The following CSRNP3 variants were observed in gnomAD, a reference collection of about 807,000 sequenced individuals.
The protein encoded by CSRNP3 is cysteine/serine-rich nuclear protein 3.
Under a neutral mutation model 48.0 loss-of-function variants are expected in CSRNP3, and 12 were observed. The ratio of observed to expected loss-of-function variants is 0.25; its 90% confidence interval spans 0.16 to 0.41. CSRNP3 has a LOEUF of 0.41. Among genes scored for constraint, CSRNP3 ranks in the 10% least tolerant of loss-of-function variants. CSRNP3 has a pLI of 1.00. For missense variants in CSRNP3, 580 were observed against 724.4 expected (o/e 0.80, Z 2.29); for synonymous variants, 263 against 269.7 (o/e 0.98, Z 0.24).
At chr2:165,546,145 CTTCTTCACAAATATCT>C (rs1685021994) in intron 3 of CSRNP3, among the ~76,000 whole-genome samples, 1 of 152,016 alleles carries the variant, frequency 6.6e-6, no homozygotes, top group Non-Finnish European at 1.5e-5. Context: ...GCTCAATACC[CTTCTTCACAAATATCT>C]GTCTTCTGTT....
chr2:165,634,050 T>C (rs1253009206), intron 4 of CSRNP3, among the ~76,000 whole-genome samples: 1 of 152,192 alleles, frequency 6.6e-6, no homozygotes. Context: ...TGTAAAACAT[T>C]ATTTGAGGTC....
chr2:165,511,922 GT>G (rs1203625678), intron 2 of CSRNP3, among the ~76,000 whole-genome samples: 5 of 152,072 alleles, frequency 3.3e-5, no homozygotes. Flanking sequence ...AATCAGGTGG[GT>G]TTTTTTGTCA....
intron 2 of CSRNP3, among the ~76,000 whole-genome samples, chr2:165,507,266 G>A (rs1411936222): frequency 6.6e-6 from 1 of 151,898 alleles, no homozygotes; most frequent in Non-Finnish European, 1.5e-5. Flanking sequence ...GAGTTCATAT[G>A]CCCATATGAG....
chr2:165,674,016 A>G (rs1309763673), intron 5 of CSRNP3, among the ~76,000 whole-genome samples: 1 of 152,160 alleles, frequency 6.6e-6, no homozygotes, highest in Non-Finnish European at 1.5e-5. Context: ...GCTAGACTCC[A>G]TCTCAAAAAA....
At chr2:165,473,916 A>G (rs1196618601) in intron 1 of CSRNP3, among the ~76,000 whole-genome samples, 1 of 151,854 alleles carries the variant, frequency 6.6e-6, no homozygotes, top group East Asian at 1.9e-4. Context: ...TGCTATTTCT[A>G]TGAACTACGT....
At chr2:165,500,365 A>G in intron 2 of CSRNP3, among the ~76,000 whole-genome samples, 1 of 150,164 alleles carries the variant, frequency 6.7e-6, no homozygotes, top group East Asian at 1.9e-4. Flanking sequence ...GTATACATAC[A>G]TATATGTATA....
intron 1 of CSRNP3, among the ~76,000 whole-genome samples, chr2:165,492,149 A>T (rs1249736640): frequency 6.6e-6 from 1 of 152,070 alleles, no homozygotes; most frequent in Admixed American, 6.6e-5. Flanking sequence ...GTAACTGCTC[A>T]TCGGAGCCAC....
intron 4 of CSRNP3, among the ~76,000 whole-genome samples, chr2:165,621,965 T>G (rs1452284690): frequency 4.6e-5 from 7 of 152,222 alleles, no homozygotes; most frequent in Non-Finnish European, 1.5e-5. Flanking sequence ...TTCAGATCAT[T>G]TGACACATTT....
intron 2 of CSRNP3, among the ~76,000 whole-genome samples, chr2:165,515,162 A>G: frequency 1.5e-5 from 1 of 67,456 alleles, no homozygotes; most frequent in East Asian, 5.8e-4. Flanking sequence ...AACTAAAGAT[A>G]CAAAAAAAAA....
At chr2:165,555,650 G>A (rs949360808) in intron 3 of CSRNP3, among the ~76,000 whole-genome samples, 1 of 152,168 alleles carries the variant, frequency 6.6e-6, no homozygotes, top group Non-Finnish European at 1.5e-5. Context: ...GGTTACATAG[G>A]TGAGAAGGAC....
Position 165,679,836 on chromosome 2 carries a change from A to T in CSRNP3, c.*83A>T. The T allele has an allele frequency of 6.6e-7, 1 of 1,515,232 alleles. No homozygotes were observed. The highest frequency in any genetic ancestry group is 8.8e-7 in the Non-Finnish European group (1 of 1,135,404). 93.9% of individuals were successfully genotyped at this position (1,515,232 alleles called of 1,614,324 possible). On this transcript the variant is annotated 3_prime_UTR_variant, in exon 7 of 7. Transcript: ENST00000651982. ...GATTTCCTGGGCTCATCATTGTTTA[A>T]ACTGAAGACCAAGAAAACTTGGACG...
chr2:165,619,217 G>A (rs1248390323), intron 4 of CSRNP3, among the ~76,000 whole-genome samples: 1 of 152,110 alleles, frequency 6.6e-6, no homozygotes, highest in African/African-American at 2.4e-5. Context: ...CCTAGAAGAC[G>A]ACAGAGTAAA....
intron 3 of CSRNP3, among the ~76,000 whole-genome samples, chr2:165,535,840 A>G (rs1225590905): frequency 6.6e-6 from 1 of 151,782 alleles, no homozygotes; most frequent in Non-Finnish European, 1.5e-5. Flanking sequence ...TAAAATCCAC[A>G]TGGGAAGCTG....
intron 3 of CSRNP3, among the ~76,000 whole-genome samples, chr2:165,527,890 C>T (rs966127212): frequency 1.4e-5 from 2 of 143,744 alleles, no homozygotes; most frequent in Non-Finnish European, 3.1e-5. Context: ...TAAAAGAAAA[C>T]AAAGGGCAAT....
intron 5 of CSRNP3, among the ~76,000 whole-genome samples, chr2:165,671,746 C>T (rs1687334867): frequency 6.6e-6 from 1 of 152,172 alleles, no homozygotes; most frequent in African/African-American, 2.4e-5. Flanking sequence ...TTGATTTCTC[C>T]CCAGGAAATG....
Position 165,507,395 on chromosome 2 carries a change from A to G in CSRNP3, c.-112-10478A>G, listed in dbSNP as rs565720901. ...CCTAAGCATCTTTTATTACATCATC[A>G]TGCCACTAATATTTCTCTCTTGAAC... is the stretch of plus-strand genomic sequence containing the variant. On this transcript the variant is annotated intron_variant, in intron 2 of 6. Transcript: ENST00000651982. Among the ~76,000 whole-genome samples the G allele has an allele frequency of 2.5e-4, 38 of 152,284 alleles. 1 individual carries two copies. In the South Asian group the frequency reaches 6.0e-3, roughly 24 times the overall value.
At chr2:165,525,442 G>C (rs535733621) in intron 3 of CSRNP3, among the ~76,000 whole-genome samples, 6 of 149,320 alleles carry the variant, frequency 4.0e-5, no homozygotes, top group Non-Finnish European at 8.9e-5. Flanking sequence ...TTTCTTCTGT[G>C]GATTATGATT....
chr2:165,586,725 A>G (rs889955958), intron 3 of CSRNP3, among the ~76,000 whole-genome samples: 2 of 152,214 alleles, frequency 1.3e-5, no homozygotes, highest in Non-Finnish European at 2.9e-5. Context: ...CACTAGATGA[A>G]TATCAGTGGG....
At chr2:165,533,800 T>G (rs887115819) in intron 3 of CSRNP3, among the ~76,000 whole-genome samples, 1 of 152,064 alleles carries the variant, frequency 6.6e-6, no homozygotes, top group Non-Finnish European at 1.5e-5. Context: ...TTTTCTCTAT[T>G]ACTGATACGG....
Sources: gnomAD v4.1 joint callset for allele counts (sites outside exome capture counted in the v4.1 genomes callset) on GRCh38, gnomAD v4.1.1 for gene constraint, MANE v1.5 for transcripts, NCBI Gene and HGNC (gene_info 2026-07-23, HGNC 2026-07-21) for gene names.